ZNF654: variants seen among roughly 807,000 people sequenced by gnomAD.
ZNF654 encodes the protein melanoma-associated antigen.
In ZNF654, 19 loss-of-function variants were observed where a neutral mutation model predicts 95.3. The observed-to-expected ratio is 0.20, with a 90% CI of 0.14 to 0.29. The LOEUF (loss-of-function observed/expected upper bound fraction) is 0.29. ZNF654 is among the 10% of genes least tolerant of loss of function. The pLI is 1.00. For missense variants in ZNF654, 1,046 were observed against 1,341.0 expected, an observed-to-expected ratio of 0.78 and a Z score of 3.44; for synonymous variants, 413 against 457.9, an observed-to-expected ratio of 0.90 and a Z score of 1.25.
chr3:88,143,650 A>C lies in ZNF654; in HGVS notation c.*1998A>C, dbSNP rs1475427630. On this transcript the variant is annotated 3_prime_UTR_variant, in exon 9 of 9. Transcript: ENST00000636215. The stretch of plus-strand genomic sequence containing the variant: ...AAAGTATTCCATTTTCATTACTTTT[A>C]CTGTTCATGCCAAGATGTTTCAAAT... 1 of 152,294 alleles carries C rather than the reference A, an allele frequency of 6.6e-6. No homozygotes were observed. The highest frequency in any genetic ancestry group is 2.4e-5 in the African/African-American group (1 of 41,424). The allele number at this position is 152,294 out of a possible 1,614,324, so 9.4% of individuals were successfully genotyped here.
intron 3 of ZNF654, among the ~76,000 whole-genome samples, chr3:88,124,746 G>T (rs188895045): frequency 6.8e-6 from 1 of 147,212 alleles, no homozygotes; most frequent in Admixed American, 6.8e-5. Context: ...GCAATTGCTT[G>T]TGTTTTGATT....
intron 2 of ZNF654, among the ~76,000 whole-genome samples, chr3:88,112,697 C>T (rs1385810233): frequency 6.6e-6 from 1 of 151,794 alleles, no homozygotes; most frequent in African/African-American, 2.4e-5. Context: ...TAATTTTATT[C>T]AACTCTTGTA....
chr3:88,130,549 CAAGT>C (rs1298418862), intron 6 of ZNF654, among the ~76,000 whole-genome samples: 7 of 151,396 alleles, frequency 4.6e-5, no homozygotes, highest in African/African-American at 1.7e-4. Context: ...CTTCTGGGCT[CAAGT>C]GATTTTCCCG....
chr3:88,116,162 G>A (rs1469881357), intron 3 of ZNF654, among the ~76,000 whole-genome samples: 1 of 152,080 alleles, frequency 6.6e-6, no homozygotes, highest in Non-Finnish European at 1.5e-5. Flanking sequence ...TCTCAGAAGT[G>A]CATCAGGCAT....
intron 2 of ZNF654, among the ~76,000 whole-genome samples, chr3:88,104,958 G>A (rs1184757895): frequency 1.3e-5 from 2 of 152,202 alleles, no homozygotes; most frequent in Non-Finnish European, 2.9e-5. Context: ...GGCCAACATA[G>A]TGAAACCCTG....
At chr3:88,116,948 C>T (rs1238455140) in intron 3 of ZNF654, among the ~76,000 whole-genome samples, 1 of 152,068 alleles carries the variant, frequency 6.6e-6, no homozygotes, top group Non-Finnish European at 1.5e-5. Flanking sequence ...GGATAAATAC[C>T]TCAGTTATCA....
chr3:88,131,342 A>G (rs1429578178), intron 6 of ZNF654, among the ~76,000 whole-genome samples: 1 of 152,134 alleles, frequency 6.6e-6, no homozygotes, highest in African/African-American at 2.4e-5. Flanking sequence ...AAGTATTATC[A>G]TTTTTTGACA....
chr3:88,122,571 GAC>G (rs1705833450), intron 3 of ZNF654, among the ~76,000 whole-genome samples: 1 of 152,112 alleles, frequency 6.6e-6, no homozygotes, highest in Non-Finnish European at 1.5e-5. Flanking sequence ...CTTTGGCCAA[GAC>G]ACAAAGTTGA....
intron 1 of ZNF654, among the ~76,000 whole-genome samples, chr3:88,085,344 G>A (rs993421805): frequency 6.6e-6 from 1 of 152,312 alleles, no homozygotes; most frequent in Non-Finnish European, 1.5e-5. Context: ...ATAAATGGAT[G>A]AACCTGGTTG....
intron 1 of ZNF654, among the ~76,000 whole-genome samples, chr3:88,062,724 A>G (rs1415504674): frequency 6.6e-6 from 1 of 152,214 alleles, no homozygotes; most frequent in Non-Finnish European, 1.5e-5. Context: ...TGTTGATTGA[A>G]ATATAATTTA....
At chr3:88,116,468 C>T (rs373394090) in intron 3 of ZNF654, among the ~76,000 whole-genome samples, 1 of 151,026 alleles carries the variant, frequency 6.6e-6, no homozygotes, top group African/African-American at 2.4e-5. Context: ...TGCAGTGAGC[C>T]GAGATCACAC....
chr3:88,137,912 ATGT>A (rs1258623261), intron 7 of ZNF654, among the ~76,000 whole-genome samples: 1 of 151,738 alleles, frequency 6.6e-6, no homozygotes, highest in Non-Finnish European at 1.5e-5. Flanking sequence ...CATATATATG[ATGT>A]TAAAGACATT....
chr3:88,074,464 C>T (rs184337718), intron 1 of ZNF654, among the ~76,000 whole-genome samples: 6 of 152,066 alleles, frequency 3.9e-5, no homozygotes, highest in East Asian at 1.9e-4. Context: ...GCCTCAGCCT[C>T]CCAAGTAGCT....
intron 3 of ZNF654, among the ~76,000 whole-genome samples, chr3:88,121,309 T>G (rs1705755846): frequency 6.6e-6 from 1 of 152,088 alleles, no homozygotes; most frequent in African/African-American, 2.4e-5. Context: ...AGTTGAAAAT[T>G]TTTTCAACAG....
At chr3:88,105,043 G>C (rs1704651938) in intron 2 of ZNF654, among the ~76,000 whole-genome samples, 1 of 152,224 alleles carries the variant, frequency 6.6e-6, no homozygotes, top group South Asian at 2.1e-4. Flanking sequence ...GGGAGACTGA[G>C]GCAGAAGAAT....
intron 3 of ZNF654, among the ~76,000 whole-genome samples, chr3:88,120,719 C>A (rs1431752797): frequency 6.6e-6 from 1 of 152,062 alleles, no homozygotes; most frequent in Non-Finnish European, 1.5e-5. Context: ...CGCACATGTA[C>A]TCATACTATA....
chr3:88,095,731 C>T (rs1011228863), intron 2 of ZNF654: 16 of 391,266 alleles, frequency 4.1e-5, no homozygotes, highest in African/African-American at 3.5e-4. Context: ...GACTTCTCCC[C>T]AGGCTTGTTA....
intron 7 of ZNF654, 178 bp downstream of exon 7, chr3:88,135,380 C>T: frequency 2.5e-6 from 1 of 406,902 alleles, no homozygotes; most frequent in Non-Finnish European, 4.2e-6. Context: ...ACATGGGAGG[C>T]TGATTTATTG....
intron 3 of ZNF654, among the ~76,000 whole-genome samples, chr3:88,116,824 T>C (rs1279349865): frequency 1.3e-5 from 2 of 152,142 alleles, no homozygotes; most frequent in East Asian, 3.9e-4. Flanking sequence ...CTGTAGTACA[T>C]GTAAACTTTC....
Sources: gnomAD v4.1 joint callset for allele counts (sites outside exome capture counted in the v4.1 genomes callset) on GRCh38, gnomAD v4.1.1 for gene constraint, MANE v1.5 for transcripts, NCBI Gene and HGNC (gene_info 2026-07-23, HGNC 2026-07-21) for gene names.